KCND2: variants seen among roughly 807,000 people sequenced by gnomAD.
KCND2 encodes the protein potassium voltage-gated channel subfamily D member 2, also known as A-type voltage-gated potassium channel KCND2.
A neutral mutation model predicts 54.4 loss-of-function variants in KCND2; 16 were observed. The ratio of observed to expected loss-of-function variants is 0.29; its 90% CI spans 0.20 to 0.45. KCND2 has a LOEUF of 0.45. Among genes scored for constraint, KCND2 ranks in the 20% least tolerant of loss-of-function variants. The pLI, the probability that KCND2 is intolerant of heterozygous loss-of-function variation, is 1.00. For missense variants in KCND2, 486 were observed against 824.2 expected, an observed-to-expected ratio of 0.59 and a Z score of 5.02; for synonymous variants, 317 against 310.7, an observed-to-expected ratio of 1.02 and a Z score of -0.21.
chr7:120,687,496 A>G (rs1385952599), intron 1 of KCND2, among the ~76,000 whole-genome samples: 1 of 151,982 alleles, frequency 6.6e-6, no homozygotes, highest in Non-Finnish European at 1.5e-5. Flanking sequence ...TGATTTAACC[A>G]CTCTACAGTG....
chr7:120,500,241 T>A (rs1802912267), intron 1 of KCND2, among the ~76,000 whole-genome samples: 1 of 152,178 alleles, frequency 6.6e-6, no homozygotes, highest in Non-Finnish European at 1.5e-5. Flanking sequence ...TGATTACTTA[T>A]TCTGTGGCTT....
chr7:120,505,632 T>C (rs77939462), intron 1 of KCND2, among the ~76,000 whole-genome samples: 4,197 of 151,902 alleles, frequency 0.028, 90 homozygotes, highest in Non-Finnish European at 0.046. Context: ...GGACCTGTTT[T>C]AGCTGACACA....
intron 1 of KCND2, among the ~76,000 whole-genome samples, chr7:120,397,987 GTGTGTGTGTA>G (rs1320523010): frequency 2.3e-4 from 8 of 35,300 alleles, no homozygotes; most frequent in African/African-American, 5.4e-4. Context: ...GTGTGTGTGT[GTGTGTGTGTA>G]TATATATATA....
chr7:120,619,250 C>A (rs1054693849), intron 1 of KCND2, among the ~76,000 whole-genome samples: 1 of 151,970 alleles, frequency 6.6e-6, no homozygotes, highest in Non-Finnish European at 1.5e-5. Flanking sequence ...GGAAACATGG[C>A]AAAACTCCAT....
intron 1 of KCND2, among the ~76,000 whole-genome samples, chr7:120,723,767 G>T (rs958461772): frequency 2.0e-5 from 3 of 152,128 alleles, no homozygotes. Flanking sequence ...ATTCTGGCCA[G>T]ATTTATAGAT....
chr7:120,691,373 C>A (rs1792266592), intron 1 of KCND2, among the ~76,000 whole-genome samples: 1 of 152,128 alleles, frequency 6.6e-6, no homozygotes, highest in African/African-American at 2.4e-5. Flanking sequence ...TGGTTTGAAC[C>A]AGGGTGTTGC....
chr7:120,539,486 G>A (rs904582997), intron 1 of KCND2, among the ~76,000 whole-genome samples: 5 of 152,206 alleles, frequency 3.3e-5, no homozygotes, highest in African/African-American at 7.2e-5. Context: ...AGGCATCAGA[G>A]CCACGGAAGG....
intron 4 of KCND2, among the ~76,000 whole-genome samples, chr7:120,743,422 A>C (rs1317015490): frequency 1.3e-5 from 2 of 152,180 alleles, no homozygotes; most frequent in Non-Finnish European, 2.9e-5. Context: ...AGTGAGCCAG[A>C]CCCAAGAAAC....
At chr7:120,433,213 A>C (rs1225104687) in intron 1 of KCND2, among the ~76,000 whole-genome samples, 4 of 152,202 alleles carry the variant, frequency 2.6e-5, no homozygotes, top group Non-Finnish European at 4.4e-5. Flanking sequence ...CCTGTTGAGC[A>C]TGACTGCAGC....
At chr7:120,458,682 T>C (rs567907814) in intron 1 of KCND2, among the ~76,000 whole-genome samples, 317 of 152,282 alleles carry the variant, frequency 2.1e-3, no homozygotes, top group Non-Finnish European at 4.0e-3. Flanking sequence ...TTGAGAATCA[T>C]CCAGTTATTA....
intron 1 of KCND2, among the ~76,000 whole-genome samples, chr7:120,451,446 C>T (rs1802106240): frequency 6.6e-6 from 1 of 151,948 alleles, no homozygotes; most frequent in South Asian, 2.1e-4. Context: ...TTCTTATAAA[C>T]AATTAAAACA....
At chr7:120,361,545 A>G (rs1800593044) in intron 1 of KCND2, among the ~76,000 whole-genome samples, 1 of 151,964 alleles carries the variant, frequency 6.6e-6, no homozygotes, top group South Asian at 2.1e-4. Context: ...TTGAGGATGG[A>G]GAGTTGGGAT....
At chr7:120,658,343 A>C (rs1001905978) in intron 1 of KCND2, among the ~76,000 whole-genome samples, 1 of 152,186 alleles carries the variant, frequency 6.6e-6, no homozygotes, top group Non-Finnish European at 1.5e-5. Context: ...TAAGCCCCAA[A>C]ACATGAAAAC....
chr7:120,318,740 A>G (rs1799850204), intron 1 of KCND2, among the ~76,000 whole-genome samples: 1 of 152,054 alleles, frequency 6.6e-6, no homozygotes, highest in Admixed American at 6.6e-5. Flanking sequence ...GGAACGAAAT[A>G]CTTTTTACCA....
intron 1 of KCND2, among the ~76,000 whole-genome samples, chr7:120,489,469 A>G (rs2116296624): frequency 6.6e-6 from 1 of 152,318 alleles, no homozygotes; most frequent in Admixed American, 6.5e-5. Context: ...TAACTGAAAT[A>G]AAAGTCATCA....
Position 120,748,020 on chromosome 7 carries a change from C to A in KCND2, c.*162C>A. On this transcript the variant is annotated 3_prime_UTR_variant, in exon 6 of 6. Coordinates refer to ENST00000331113, the MANE Select transcript of KCND2 (RefSeq NM_012281.3). ...CCAATCTTAAGGATGTGAATAAAAC[C>A]ACCAAATGGCATTTCTAGACAGTTT... The A allele has an allele frequency of 1.6e-6, 1 of 628,870 alleles. No individual in the cohort carries two copies. Among genetic ancestry groups the A allele is most frequent in the Non-Finnish European group, 2.8e-6 (1 of 358,596 alleles). 39.0% of individuals were successfully genotyped at this position (628,870 alleles called of 1,614,324 possible). A position where few individuals can be genotyped will look rare whatever the true frequency, so the allele number is the denominator to read the frequency against.
At chr7:120,368,804 A>C (rs1185991445) in intron 1 of KCND2, among the ~76,000 whole-genome samples, 1 of 152,128 alleles carries the variant, frequency 6.6e-6, no homozygotes, top group Non-Finnish European at 1.5e-5. Flanking sequence ...GACTGTAATA[A>C]AGACATATAA....
At chr7:120,359,230 T>A (rs1800554940) in intron 1 of KCND2, among the ~76,000 whole-genome samples, 1 of 152,188 alleles carries the variant, frequency 6.6e-6, no homozygotes, top group African/African-American at 2.4e-5. Flanking sequence ...CTGTGCACAA[T>A]TTTTTTCTTC....
At chr7:120,659,824 C>T (rs1791844630) in intron 1 of KCND2, among the ~76,000 whole-genome samples, 1 of 152,110 alleles carries the variant, frequency 6.6e-6, no homozygotes, top group Non-Finnish European at 1.5e-5. Flanking sequence ...GTTTTGCATC[C>T]CACAAATACA....
Sources: allele counts gnomAD v4.1 joint callset (sites outside exome capture counted in the v4.1 genomes callset), GRCh38; gene constraint gnomAD v4.1.1; transcripts MANE v1.5; gene names NCBI Gene and HGNC (gene_info 2026-07-23, HGNC 2026-07-21).